The following RCN2 variants were observed in gnomAD, a reference collection of about 807,000 sequenced individuals.
The protein encoded by RCN2 is reticulocalbin 2, also known as reticulocalbin-2.
In RCN2, 23 loss-of-function variants were observed where a neutral mutation model predicts 37.5. The ratio of observed to expected loss-of-function variants is 0.61; its 90% CI spans 0.44 to 0.87. The LOEUF (loss-of-function observed/expected upper bound fraction) is 0.87, where lower values mean the gene tolerates loss of function less well. RCN2 is among the 40% of genes least tolerant of loss of function. The probability of loss-of-function intolerance (pLI) is 0.00; values close to 1 mark genes in which losing one functional copy is unlikely to be tolerated. For synonymous variants in RCN2, 140 were observed against 144.6 expected (o/e 0.97, Z 0.23); for missense variants, 381 against 390.4 (o/e 0.98, Z 0.20).
At chr15:76,935,757 A>G (rs1162226017) in intron 3 of RCN2, 35 bp downstream of exon 3, 3 of 1,530,412 alleles carry the variant, frequency 2.0e-6, no homozygotes, top group South Asian at 2.4e-5. Context: ...TCTTTTGATC[A>G]TGTCAGTTCA....
chr15:76,939,164 AAGGCTGCGGTGAGCCATATTT>A (rs2075266315), intron 3 of RCN2, among the ~76,000 whole-genome samples: 1 of 152,084 alleles, frequency 6.6e-6, no homozygotes, highest in Non-Finnish European at 1.5e-5. Flanking sequence ...CCAGGCAGTC[AAGGCTGCGGTGAGCCATATTT>A]ATGCCACTAC....
chr15:76,949,087 T>C lies in RCN2; in HGVS notation c.819T>C (p.Asp273=). ...TTTTGAAGGCGCTTCATCTAATTGA[T>C]GAAATGGATTTGAATGGTGACAAAA... ...IAQEEALHLI[D]EMDLNGDKKL... Residue 273 remains aspartate (D), a synonymous_variant, in exon 7 of 7, where the codon GAT becomes GAC. Transcript: ENST00000394885. 6.2e-7 allele frequency: 1 copy of C among 1,600,682 alleles called. No homozygotes were observed.
At position 76,943,635 on chromosome 15, in the gene RCN2, A is replaced by G. The variant is rs1465683397; in HGVS notation, c.448-123A>G. The G allele has an allele frequency of 5.0e-6, 3 of 599,172 alleles. No individual in the cohort carries two copies. The African/African-American group carries it at 5.6e-5, about 11-fold the overall frequency. 37.1% of individuals were successfully genotyped at this position (599,172 alleles called of 1,614,324 possible). ...CATGTATTTGTGTAGCTTACCTTCA[A>G]AGGGACGATGTGAAGATAAATGAGA... On this transcript the variant is annotated intron_variant, in intron 3 of 6. Transcript: ENST00000394885.
intron 2 of RCN2, 127 bp downstream of exon 2, chr15:76,932,593 G>A (rs1468182935): frequency 3.0e-6 from 2 of 677,380 alleles, no homozygotes; most frequent in Non-Finnish European, 5.3e-6. Flanking sequence ...AAAGGACATG[G>A]AGAATAGGCT....
In RCN2 at chr15:76,951,900, T is replaced by A. The variant is rs1041753484; in HGVS notation, c.*2678T>A. On this transcript the variant is annotated 3_prime_UTR_variant, in exon 7 of 7. Transcript: ENST00000394885. ...TCATATGTAGTTCTGATTGGGCCAA[T>A]TTGCAGGACAGAAAATGATGTCTAG... 2.0e-5 allele frequency: 3 copies of A among 152,096 alleles called. No homozygotes were observed. The highest frequency in any genetic ancestry group is 6.5e-5 in the Admixed American group (1 of 15,272). The allele number at this position is 152,096 out of a possible 1,614,324, so 9.4% of individuals were successfully genotyped here.
At position 76,931,984 on chromosome 15, in the gene RCN2, A is replaced by G. The variant is rs1016173028; in HGVS notation, c.143A>G (p.Gln48Arg). The G allele has an allele frequency of 1.2e-5, 15 of 1,262,012 alleles. No homozygotes were observed. The African/African-American group carries it at 2.0e-4, about 17-fold the overall frequency. 78.2% of individuals were successfully genotyped at this position (1,262,012 alleles called of 1,614,324 possible). ...DYDREALLGV[Q>R]EDVDEYVKLG... ...GACCGCGAGGCGCTGCTGGGCGTCC[A>G]GGTGAGGCGGCCAGGCCGGTGCTGG... is the stretch of plus-strand genomic sequence containing the variant. Residue 48 changes from glutamine to arginine, a missense_variant and splice_region_variant, in exon 1 of 7, where the codon CAG (glutamine) becomes CGG (arginine). Coordinates refer to ENST00000394885, the MANE Select transcript of RCN2 (RefSeq NM_002902.3).
chr15:76,931,804 C>A lies in RCN2; in HGVS notation c.-38C>A. On this transcript the variant is annotated 5_prime_UTR_variant, in exon 1 of 7. Coordinates refer to ENST00000394885, the MANE Select transcript of RCN2 (RefSeq NM_002902.3). ...CCGGCCCGGGCCCCCGCCAGCCTCC[C>A]TCCTCGCGTCCCTCGGTGTCCTCCG... The A allele has an allele frequency of 8.3e-7, 1 of 1,201,902 alleles. No individual in the cohort carries two copies. The highest frequency in any genetic ancestry group is 1.0e-6 in the Non-Finnish European group (1 of 968,616). 74.5% of individuals were successfully genotyped at this position (1,201,902 alleles called of 1,614,324 possible). A position where few individuals can be genotyped will look rare whatever the true frequency, so the allele number is the denominator to read the frequency against.
intron 3 of RCN2, chr15:76,942,615 A>G (rs894002283): frequency 3.9e-5 from 6 of 152,208 alleles, no homozygotes; most frequent in African/African-American, 1.4e-4. Context: ...ATATCTGAAT[A>G]TACAGAATTA....
At chr15:76,938,681 C>A (rs1461365777) in intron 3 of RCN2, 3 of 452,182 alleles carry the variant, frequency 6.6e-6, no homozygotes, top group South Asian at 4.7e-5. Flanking sequence ...ACTCTGTAAG[C>A]CACCACTAAC....
rs1357758416 is a variant in RCN2 at position 76,952,477 on chromosome 15, T to C, written c.*3255T>C. 1 of 152,212 alleles carries C rather than the reference T, an allele frequency of 6.6e-6. No homozygotes were observed. The highest frequency in any genetic ancestry group is 2.4e-5 in the African/African-American group (1 of 41,458). 9.4% of individuals were successfully genotyped at this position (152,212 alleles called of 1,614,324 possible). A position where few individuals can be genotyped will look rare whatever the true frequency, so the allele number is the denominator to read the frequency against. ...TCTTAACAGTTTTTAATTGTACAGT[T>C]CGGTGGTATGGTATTAAATACAGTC... is the stretch of plus-strand genomic sequence containing the variant. On this transcript the variant is annotated 3_prime_UTR_variant, in exon 7 of 7. Coordinates refer to ENST00000394885, the MANE Select transcript of RCN2 (RefSeq NM_002902.3).
At chr15:76,935,399 C>G in intron 2 of RCN2, 127 bp from the exon 3 acceptor site, 2 of 662,572 alleles carry the variant, frequency 3.0e-6, no homozygotes, top group Admixed American at 2.8e-5. Flanking sequence ...TCTATTAATA[C>G]AACTAGGCCA....
At chr15:76,948,634 T>C in intron 6 of RCN2, 82 bp downstream of exon 6, 2 of 1,359,796 alleles carry the variant, frequency 1.5e-6, no homozygotes, top group Non-Finnish European at 2.0e-6. Context: ...GTTCAAAATC[T>C]TAAGCCAAAG....
Position 76,951,956 on chromosome 15 carries a change from C to T in RCN2, c.*2734C>T, listed in dbSNP as rs375005012. 6.6e-6 allele frequency: 1 copy of T among 151,256 alleles called. No individual in the cohort carries two copies. Among genetic ancestry groups the T allele is most frequent in the African/African-American group, 2.4e-5 (1 of 41,212 alleles). The allele number at this position is 151,256 out of a possible 1,614,324, so 9.4% of individuals were successfully genotyped here. Reference sequence around the variant, plus strand: ...GATATAAATTTAAAGGAAGCCAGGACGTTCAGAGGAAAAGCTAGCATATCA... The same window carrying T: ...GATATAAATTTAAAGGAAGCCAGGATGTTCAGAGGAAAAGCTAGCATATCA... On this transcript the variant is annotated 3_prime_UTR_variant, in exon 7 of 7. Coordinates refer to ENST00000394885, the MANE Select transcript of RCN2 (RefSeq NM_002902.3).
chr15:76,948,346 C>A, intron 5 of RCN2, 64 bp from the exon 6 acceptor site: 1 of 1,211,442 alleles, frequency 8.3e-7, no homozygotes, highest in Non-Finnish European at 1.1e-6. Flanking sequence ...AGGGATATAC[C>A]AAACTTCTTA....
At chr15:76,942,512 G>C (rs554483460) in intron 3 of RCN2, 2 of 152,188 alleles carry the variant, frequency 1.3e-5, no homozygotes, top group Non-Finnish European at 2.9e-5. Flanking sequence ...TTTTTAAAAA[G>C]GGGGGTGGAT....
rs1377066179 is a variant in RCN2, at chr15:76,943,746, T to G, written c.448-12T>G. ...GATGTGGTATACTAATGAGAAATTT[T>G]AATTTTCAAAGCTTCACTTAAAGGA... On this transcript the variant is annotated splice_polypyrimidine_tract_variant and intron_variant, in intron 3 of 6. Coordinates refer to ENST00000394885, the MANE Select transcript of RCN2 (RefSeq NM_002902.3). 1.3e-6 allele frequency: 2 copies of G among 1,495,716 alleles called. No homozygotes were observed. The highest frequency in any genetic ancestry group is 1.8e-6 in the Non-Finnish European group (2 of 1,082,066). 92.7% of individuals were successfully genotyped at this position (1,495,716 alleles called of 1,614,324 possible).
At position 76,932,410 on chromosome 15, in the gene RCN2, G is replaced by T. The variant is rs1239220485; in HGVS notation, c.194G>T (p.Arg65Ile). 27 of 1,613,964 alleles carry T rather than the reference G, an allele frequency of 1.7e-5. No individual in the cohort carries two copies. The highest frequency in any genetic ancestry group is 2.3e-5 in the Non-Finnish European group (27 of 1,179,912). ...CTCGGCCACGAAGAGCAGCAAAAAA[G>T]ACTGCAGGCGATCATAAAGAAAATC... The part of the protein sequence containing the change: ...VKLGHEEQQK[R>I]LQAIIKKIDL... The change falls in exon 2 of 7, where the codon AGA (arginine) becomes ATA (isoleucine). Residue 65 changes from arginine (R) to isoleucine (I), a missense_variant. Transcript: ENST00000394885.
intron 3 of RCN2, among the ~76,000 whole-genome samples, chr15:76,940,546 C>CTTTTTTTTT (rs11463370): frequency 2.4e-4 from 29 of 119,646 alleles, no homozygotes; most frequent in Admixed American, 4.0e-4. Context: ...TGAACTTCAC[C>CTTTTTTTTT]TTTTTTTTTT....
Position 76,949,862 on chromosome 15 carries a change from C to T in RCN2, c.*640C>T, listed in dbSNP as rs1018618578. The T allele has an allele frequency of 4.6e-5, 7 of 152,470 alleles. No homozygotes were observed. The highest frequency in any genetic ancestry group is 2.1e-4 in the South Asian group (1 of 4,828). 9.4% of individuals were successfully genotyped at this position (152,470 alleles called of 1,614,324 possible). The stretch of plus-strand genomic sequence containing the variant: ...TGAGTGGAATTTGACATTGTCCAAA[C>T]CTTTTTCATTTTTGAGTGATTAAAA... On this transcript the variant is annotated 3_prime_UTR_variant, in exon 7 of 7. Transcript: ENST00000394885.
Sources: allele counts gnomAD v4.1 joint callset (sites outside exome capture counted in the v4.1 genomes callset), GRCh38; gene constraint gnomAD v4.1.1; transcripts MANE v1.5; gene names NCBI Gene and HGNC (gene_info 2026-07-23, HGNC 2026-07-21).